SLC39A10: variants seen among roughly 807,000 people sequenced by gnomAD.
SLC39A10 encodes the protein solute carrier family 39 member 10, also known as zinc transporter ZIP10.
SLC39A10 carries 13 observed loss-of-function variants against 65.1 expected under a neutral mutation model. The observed-to-expected ratio is 0.20, with a 90% CI of 0.13 to 0.32. SLC39A10 has a LOEUF of 0.32. Ranked by LOEUF, SLC39A10 falls within the 10% of genes least tolerant of loss-of-function variation. The pLI is 1.00. For synonymous variants in SLC39A10, 321 were observed against 342.2 expected (o/e 0.94, Z 0.68); for missense variants, 831 against 1,018.4 (o/e 0.82, Z 2.50).
intron 9 of SLC39A10, 93 bp from the exon 10 acceptor site, chr2:195,734,790 A>G (rs1348080252): frequency 8.3e-7 from 1 of 1,205,156 alleles, no homozygotes; most frequent in African/African-American, 1.6e-5. Flanking sequence ...GTTACACTTC[A>G]GTCACTAATT....
intron 3 of SLC39A10, among the ~76,000 whole-genome samples, chr2:195,687,202 A>C (rs993179454): frequency 1.3e-5 from 2 of 152,180 alleles, no homozygotes; most frequent in African/African-American, 4.8e-5. Context: ...TGGCAGGAGA[A>C]AGGGGAAGCT....
intron 2 of SLC39A10, among the ~76,000 whole-genome samples, chr2:195,618,233 C>T (rs1688268084): frequency 1.3e-5 from 2 of 151,862 alleles, no homozygotes; most frequent in Non-Finnish European, 2.9e-5. Context: ...TGCCTGTAAT[C>T]CCAGCTACGC....
At chr2:195,704,883 C>T (rs1022288826) in intron 3 of SLC39A10, among the ~76,000 whole-genome samples, 11 of 152,052 alleles carry the variant, frequency 7.2e-5, no homozygotes, top group African/African-American at 1.9e-4. Flanking sequence ...CTGGAACCTC[C>T]GCTGCCCAAG....
chr2:195,664,057 C>T (rs1208573625), intron 1 of SLC39A10, among the ~76,000 whole-genome samples: 2 of 151,920 alleles, frequency 1.3e-5, no homozygotes, highest in Non-Finnish European at 2.9e-5. Context: ...AGCAAATAAT[C>T]ATGCCAGTTA....
Position 195,736,515 on chromosome 2 carries a change from C to T in SLC39A10, c.*1474C>T, listed in dbSNP as rs563690457. 4.6e-4 allele frequency: 73 copies of T among 157,920 alleles called. No individual in the cohort carries two copies. Among genetic ancestry groups the T allele is most frequent in the Non-Finnish European group, 5.4e-4 (37 of 68,046 alleles). The allele number at this position is 157,920 out of a possible 1,614,324, so 9.8% of individuals were successfully genotyped here. A position where few individuals can be genotyped will look rare whatever the true frequency, so the allele number is the denominator to read the frequency against. ...AATATATAAGAGCCAAACTCTTTTC[C>T]ATTCCATCTAAAATGTTTTCATTTA... On this transcript the variant is annotated 3_prime_UTR_variant, in exon 10 of 10. Transcript: ENST00000359634.
intron 8 of SLC39A10, among the ~76,000 whole-genome samples, chr2:195,723,835 G>T (rs1692139440): frequency 6.6e-6 from 1 of 151,926 alleles, no homozygotes; most frequent in Non-Finnish European, 1.5e-5. Context: ...AGGGTGACCA[G>T]TCATACCCCC....
upstream of SLC39A10, among the ~76,000 whole-genome samples, chr2:195,655,634 C>G (rs1002553881): frequency 6.6e-6 from 1 of 152,158 alleles, no homozygotes; most frequent in Non-Finnish European, 1.5e-5. Context: ...AATCTGAGGA[C>G]CACAGCTATT....
At chr2:195,709,845 A>G (rs1005711961) in intron 5 of SLC39A10, among the ~76,000 whole-genome samples, 1 of 152,234 alleles carries the variant, frequency 6.6e-6, no homozygotes, top group African/African-American at 2.4e-5. Context: ...AAAGTATGTA[A>G]AGAGAAGCAA....
rs879395270 is a variant in SLC39A10, at chr2:195,728,974, CTT to C, written c.2337+638_2337+639del. Among the ~76,000 whole-genome samples the C allele has an allele frequency of 1.2e-4, 17 of 136,572 alleles. No homozygotes were observed. Among genetic ancestry groups the C allele is most frequent in the East Asian group, 4.2e-4 (2 of 4,800 alleles). 89.6% of individuals were successfully genotyped at this position (136,572 alleles called of 152,430 possible). ...CAGTCTTATTTCAAAATTATGCAGC[CTT>C]TTTTTTTTTTTTATGAGATAGGGTC... On this transcript the variant is annotated intron_variant, in intron 9 of 9. Transcript: ENST00000359634. The surrounding 1 kb of genome is among the most constrained non-coding windows in gnomAD (Gnocchi z 4.4).
At chr2:195,729,672 T>G (rs1401779565) in intron 9 of SLC39A10, among the ~76,000 whole-genome samples, 2 of 152,198 alleles carry the variant, frequency 1.3e-5, no homozygotes, top group African/African-American at 4.8e-5. Context: ...GCTGGATTAT[T>G]TCTATTAGCC....
At chr2:195,684,684 A>G (rs1690457614) in intron 3 of SLC39A10, among the ~76,000 whole-genome samples, 1 of 151,764 alleles carries the variant, frequency 6.6e-6, no homozygotes, top group Non-Finnish European at 1.5e-5. Flanking sequence ...CTATCTCTTC[A>G]GTATCTTCTA....
intron 8 of SLC39A10, among the ~76,000 whole-genome samples, chr2:195,727,449 G>A (rs1457639482): frequency 6.6e-6 from 1 of 152,094 alleles, no homozygotes; most frequent in Non-Finnish European, 1.5e-5. Context: ...GTGCATCATT[G>A]TAGAAGCACG....
At chr2:195,682,881 C>A (rs115474327) in intron 2 of SLC39A10, among the ~76,000 whole-genome samples, 2,553 of 151,190 alleles carry the variant, frequency 0.017, 68 homozygotes, top group African/African-American at 0.058. Context: ...TAAGAAGAAT[C>A]ATTTTTCTGT....
At chr2:195,707,284 C>A (rs911701737) in intron 4 of SLC39A10, among the ~76,000 whole-genome samples, 1 of 152,108 alleles carries the variant, frequency 6.6e-6, no homozygotes, top group Admixed American at 6.5e-5. Flanking sequence ...TGATCACAAG[C>A]CCATATTCCT....
chr2:195,727,089 C>T (rs1191881810), intron 8 of SLC39A10, among the ~76,000 whole-genome samples: 2 of 152,016 alleles, frequency 1.3e-5, no homozygotes, highest in Non-Finnish European at 2.9e-5. Context: ...TTTTTTTCCC[C>T]CTAATGTTCC....
At chr2:195,674,455 T>G (rs1690000350) in intron 1 of SLC39A10, 5 of 296,252 alleles carry the variant, frequency 1.7e-5, no homozygotes, top group Non-Finnish European at 2.5e-5. Flanking sequence ...TTTTTGTGTT[T>G]TAGTAGAGAT....
intron 3 of SLC39A10, 133 bp downstream of exon 3, chr2:195,684,039 G>GT (rs1237292207): frequency 2.4e-5 from 16 of 668,460 alleles, no homozygotes; most frequent in Admixed American, 9.4e-5. Flanking sequence ...TTTTAATCAG[G>GT]TTTAGATATG....
intron 6 of SLC39A10, among the ~76,000 whole-genome samples, chr2:195,714,471 C>T (rs1431770396): frequency 6.6e-6 from 1 of 152,020 alleles, no homozygotes; most frequent in African/African-American, 2.4e-5. Context: ...AATATTAATA[C>T]TATATAAGAT....
At chr2:195,731,025 T>C (rs1692417918) in intron 9 of SLC39A10, among the ~76,000 whole-genome samples, 1 of 152,202 alleles carries the variant, frequency 6.6e-6, no homozygotes, top group Admixed American at 6.5e-5. Flanking sequence ...GCTCTGTCCT[T>C]GCCCTGCCTT....
Sources: gnomAD v4.1 joint callset for allele counts (sites outside exome capture counted in the v4.1 genomes callset) on GRCh38, gnomAD v4.1.1 for gene constraint, Gnocchi (gnomAD v3.1) non-coding constraint, MANE v1.5 for transcripts, NCBI Gene and HGNC (gene_info 2026-07-23, HGNC 2026-07-21) for gene names.